Variants in USH2A observed in about 807,000 individuals in gnomAD.
USH2A encodes Usher syndrome 2A (autosomal recessive, mild).
Under a neutral mutation model 538.9 loss-of-function variants are expected in USH2A, and 443 were observed. That is an observed-to-expected ratio of 0.82 (90% CI 0.76 to 0.89). The LOEUF (loss-of-function observed/expected upper bound fraction) is 0.89. Among genes scored for constraint, USH2A ranks in the 40% least tolerant of loss-of-function variants. The pLI is 0.00. For synonymous variants in USH2A, 2,413 were observed against 2,273.5 expected, an observed-to-expected ratio of 1.06 and a Z score of -1.75; for missense variants, 6,633 against 6,324.8, an observed-to-expected ratio of 1.05 and a Z score of -1.65.
chr1:216,214,010 C>G (rs751693485), intron 15 of USH2A, among the ~76,000 whole-genome samples: 8 of 152,024 alleles, frequency 5.3e-5, no homozygotes, highest in Non-Finnish European at 8.8e-5. Flanking sequence ...TACTACTACA[C>G]ACTCACTGAA....
Position 215,727,452 on chromosome 1 carries a change from C to T in USH2A, c.12066+578G>A, listed in dbSNP as rs187916240. The stretch of plus-strand genomic sequence containing the variant: ...CTAAATTATTTCCATTTAGGCCAGG[C>T]GCAGTGGCTTACGCCTGTAATCCCA... On this transcript the variant is annotated intron_variant, in intron 61 of 71. Transcript: ENST00000307340. Among the ~76,000 whole-genome samples the T allele has an allele frequency of 2.3e-3, 348 of 152,166 alleles. 4 individuals carry two copies. Among genetic ancestry groups the T allele is most frequent in the African/African-American group, 8.0e-3 (330 of 41,496 alleles).
chr1:215,713,801 T>C (rs897948484), intron 61 of USH2A, among the ~76,000 whole-genome samples: 13 of 152,250 alleles, frequency 8.5e-5, no homozygotes, highest in African/African-American at 2.2e-4. Flanking sequence ...GTGGCTTTCA[T>C]TGATGTTTAG....
chr1:216,134,543 G>A (rs2033441702), intron 21 of USH2A, among the ~76,000 whole-genome samples: 2 of 151,998 alleles, frequency 1.3e-5, no homozygotes, highest in Non-Finnish European at 2.9e-5. Flanking sequence ...ATAATATAGG[G>A]TTTGCATTTG....
chr1:216,325,731 A>T (rs2037720170), intron 5 of USH2A, 132 bp from the exon 6 acceptor site: 1 of 860,722 alleles, frequency 1.2e-6, no homozygotes, highest in Admixed American at 3.0e-5. Flanking sequence ...AATTTGATGC[A>T]TGAAACATAA....
intron 19 of USH2A, among the ~76,000 whole-genome samples, chr1:216,192,099 C>T (rs1217873818): frequency 1.3e-5 from 2 of 151,892 alleles, no homozygotes; most frequent in African/African-American, 4.8e-5. Flanking sequence ...AATAAGTCTT[C>T]AAAGGGGTAG....
chr1:215,742,500 C>A (rs1660334729), intron 59 of USH2A, among the ~76,000 whole-genome samples: 1 of 151,688 alleles, frequency 6.6e-6, no homozygotes, highest in Non-Finnish European at 1.5e-5. Context: ...ATATCCATAT[C>A]TGTTAAAGTT....
chr1:216,178,718 T>C (rs2034437795), intron 20 of USH2A, among the ~76,000 whole-genome samples: 1 of 152,092 alleles, frequency 6.6e-6, no homozygotes, highest in South Asian at 2.1e-4. Flanking sequence ...TAGAACTTTC[T>C]CCAATGAAGG....
Position 216,089,873 on chromosome 1 carries a change from C to T in USH2A, c.4759-734G>A, listed in dbSNP as rs189265894. On this transcript the variant is annotated intron_variant, in intron 22 of 71. Transcript: ENST00000307340. Reference sequence around the variant, plus strand: ...GAAACACCTGCCATCTCACTACTTTCGAGAAAAGTAAACAATTTTCCAGTA... The same window carrying T: ...GAAACACCTGCCATCTCACTACTTTTGAGAAAAGTAAACAATTTTCCAGTA... Among the ~76,000 whole-genome samples, 384 of 151,454 alleles carry T rather than the reference C, an allele frequency of 2.5e-3. 7 individuals are homozygous for T. The highest frequency in any genetic ancestry group is 1.7e-3 in the Non-Finnish European group (117 of 67,822).
At chr1:216,035,906 G>A (rs1269539379) in intron 32 of USH2A, among the ~76,000 whole-genome samples, 2 of 152,068 alleles carry the variant, frequency 1.3e-5, no homozygotes, top group South Asian at 2.1e-4. Context: ...TGTAACCAAT[G>A]CACTTACATT....
chr1:216,362,602 C>T (rs1392616298), intron 4 of USH2A, among the ~76,000 whole-genome samples: 1 of 152,072 alleles, frequency 6.6e-6, no homozygotes, highest in African/African-American at 2.4e-5. Flanking sequence ...AGCCATTCAA[C>T]TTCTATGAAT....
chr1:215,895,202 G>A (rs918868815), intron 40 of USH2A, among the ~76,000 whole-genome samples: 8 of 152,126 alleles, frequency 5.3e-5, no homozygotes, highest in Admixed American at 1.3e-4. Flanking sequence ...GAGTTTTTGT[G>A]GATTTACTTC....
chr1:215,659,890 T>G (rs564517452), intron 64 of USH2A, among the ~76,000 whole-genome samples: 4 of 152,164 alleles, frequency 2.6e-5, no homozygotes, highest in African/African-American at 7.2e-5. Context: ...CTCTGTTGCT[T>G]TTTGACTAGG....
chr1:215,640,859 AAAAG>A, intron 67 of USH2A, 125 bp from the exon 68 acceptor site: 1 of 1,073,582 alleles, frequency 9.3e-7, no homozygotes, highest in Non-Finnish European at 1.3e-6. Context: ...AAAAAAAAAA[AAAAG>A]AAAACCAACA....
At chr1:215,743,416 G>GTCTATATATA (rs1491186893) in intron 58 of USH2A, 81 bp from the exon 59 acceptor site, 12 of 238,552 alleles carry the variant, frequency 5.0e-5, no homozygotes, top group Non-Finnish European at 6.4e-5. Flanking sequence ...GTGTGTGTGT[G>GTCTATATATA]TATATATATA....
chr1:216,008,792 T>G (rs967834874), intron 32 of USH2A, among the ~76,000 whole-genome samples: 1 of 152,140 alleles, frequency 6.6e-6, no homozygotes, highest in South Asian at 2.1e-4. Flanking sequence ...TCCCTTCTCT[T>G]AATTTCAATT....
At chr1:216,358,369 G>A (rs2038426604) in intron 4 of USH2A, among the ~76,000 whole-genome samples, 1 of 152,146 alleles carries the variant, frequency 6.6e-6, no homozygotes, top group African/African-American at 2.4e-5. Flanking sequence ...GGCACTGCAT[G>A]AGAGCACCTT....
intron 32 of USH2A, among the ~76,000 whole-genome samples, chr1:216,018,628 G>C (rs1668773678): frequency 6.6e-6 from 1 of 151,988 alleles, no homozygotes; most frequent in Admixed American, 6.6e-5. Flanking sequence ...TTTACAGGGG[G>C]GATTGAGACC....
chr1:215,865,480 A>G (rs1664445183), intron 44 of USH2A, among the ~76,000 whole-genome samples: 1 of 152,176 alleles, frequency 6.6e-6, no homozygotes. Context: ...TCTTAACAGA[A>G]GTATTCAAAT....
At chr1:215,719,204 A>G (rs1294001361) in intron 61 of USH2A, among the ~76,000 whole-genome samples, 1 of 152,012 alleles carries the variant, frequency 6.6e-6, no homozygotes, top group Non-Finnish European at 1.5e-5. Context: ...ATATAATCCC[A>G]GATCTAAGGG....
Sources: gnomAD v4.1 joint callset for allele counts (sites outside exome capture counted in the v4.1 genomes callset) on GRCh38, gnomAD v4.1.1 for gene constraint, MANE v1.5 for transcripts, NCBI Gene and HGNC (gene_info 2026-07-23, HGNC 2026-07-21) for gene names.